ZNF605: variants seen among roughly 807,000 people sequenced by gnomAD.
ZNF605 encodes zinc finger protein 605.
ZNF605 carries 9 observed loss-of-function variants against 7.9 expected under a neutral mutation model. The ratio of observed to expected loss-of-function variants is 1.14; its 90% CI spans 0.68 to 1.98. The LOEUF is 1.98. Ranked by LOEUF, ZNF605 falls within the 30% of genes most tolerant of loss-of-function variation. ZNF605 has a pLI of 0.00. For missense variants in ZNF605, 673 were observed against 762.4 expected, an observed-to-expected ratio of 0.88 and a Z score of 1.38; for synonymous variants, 255 against 260.1, an observed-to-expected ratio of 0.98 and a Z score of 0.19.
At chr12:132,948,840 C>T (rs898712519) in intron 1 of ZNF605, among the ~76,000 whole-genome samples, 6 of 152,244 alleles carry the variant, frequency 3.9e-5, no homozygotes, top group South Asian at 4.1e-4. Flanking sequence ...GGTGACCCCA[C>T]GCTCAGGAAC....
At chr12:132,939,598 C>A (rs1473856159) in intron 3 of ZNF605, among the ~76,000 whole-genome samples, 2 of 152,164 alleles carry the variant, frequency 1.3e-5, no homozygotes, top group South Asian at 2.1e-4. Context: ...ATTGTAAACG[C>A]ACCAATCAGC....
chr12:132,954,733 C>A (rs12320945), intron 1 of ZNF605, among the ~76,000 whole-genome samples: 24,067 of 151,658 alleles, frequency 0.16, 2,155 homozygotes, highest in South Asian at 0.21. Context: ...TTCCCACAGG[C>A]CCTCCCAAAC....
At chr12:132,938,299 T>A in intron 3 of ZNF605, among the ~76,000 whole-genome samples, 1 of 151,480 alleles carries the variant, frequency 6.6e-6, no homozygotes, top group South Asian at 2.1e-4. Flanking sequence ...TATTTTTTTA[T>A]TTTTATTTTT....
chr12:132,934,700 G>A (rs374989604), intron 3 of ZNF605, among the ~76,000 whole-genome samples: 2,507 of 74,906 alleles, frequency 0.033, 21 homozygotes, highest in Non-Finnish European at 0.044. Context: ...GCAAGATTCC[G>A]TCTAAAAAAA....
chr12:132,924,319 C>T lies in ZNF605; in HGVS notation c.*1054G>A, dbSNP rs559583270. On this transcript the variant is annotated 3_prime_UTR_variant, in exon 5 of 5. Coordinates refer to ENST00000360187, the MANE Select transcript of ZNF605 (RefSeq NM_183238.4). ...ATTCTACCTGATGCTCCATGTGTTT[C>T]CACTCTGTTTCCACTCTGGCTGCTG... 2 of 152,334 alleles carry T rather than the reference C, an allele frequency of 1.3e-5. No homozygotes were observed. The highest frequency in any genetic ancestry group is 4.2e-4 in the South Asian group (2 of 4,816). The allele number at this position is 152,334 out of a possible 1,614,324, so 9.4% of individuals were successfully genotyped here.
intron 4 of ZNF605, 180 bp downstream of exon 4, chr12:132,932,855 G>T: frequency 2.1e-6 from 3 of 1,421,168 alleles, no homozygotes; most frequent in Non-Finnish European, 2.8e-6. Context: ...TGGGCTAAGA[G>T]TCTTAAATAT....
Position 132,926,671 on chromosome 12 carries a change from A to C in ZNF605, c.628T>G (p.Ser210Ala). The C allele has an allele frequency of 6.2e-7, 1 of 1,613,902 alleles. No individual in the cohort carries two copies. The highest frequency in any genetic ancestry group is 8.5e-7 in the Non-Finnish European group (1 of 1,179,944). ...SECGKAFSQK[S>A]LLTVHQRTHS... The stretch of plus-strand genomic sequence containing the variant: ...GTTCTTTGATGAACCGTGAGCAGTG[A>C]CTTCTGTGAAAAGGCTTTTCCACAC... The change falls in exon 5 of 5, where the codon TCA (serine) becomes GCA (alanine). Residue 210 changes from serine to alanine, a missense_variant. Ser to Ala is a moderately conservative substitution (Grantham distance 99, BLOSUM62 1). Coordinates refer to ENST00000360187, the MANE Select transcript of ZNF605 (RefSeq NM_183238.4).
At position 132,941,457 on chromosome 12, in the gene ZNF605, C is replaced by T. The variant is rs1042586343; in HGVS notation, c.15+4164G>A. Among the ~76,000 whole-genome samples the T allele has an allele frequency of 8.5e-5, 13 of 152,202 alleles. No homozygotes were observed. The highest frequency in any genetic ancestry group is 1.9e-4 in the Non-Finnish European group (13 of 68,038). ...TTCCACTGACTTGGGCCACACTATCCAGGCCCGACATGACCAGATCTGCTT... is the reference window on the plus strand; with the variant it reads ...TTCCACTGACTTGGGCCACACTATCTAGGCCCGACATGACCAGATCTGCTT... On this transcript the variant is annotated intron_variant, in intron 3 of 4. Coordinates refer to ENST00000360187, the MANE Select transcript of ZNF605 (RefSeq NM_183238.4). The surrounding 1 kb of genome is among the most constrained non-coding windows in gnomAD (Gnocchi z 5.1).
In ZNF605 at chr12:132,925,792, T is replaced by C. The variant is rs1593579199; in HGVS notation, c.1507A>G (p.Lys503Glu). The C allele has an allele frequency of 1.2e-6, 2 of 1,614,150 alleles. No homozygotes were observed. Among genetic ancestry groups the C allele is most frequent in the Middle Eastern group, 3.3e-4 (2 of 6,062 alleles). The change falls in exon 5 of 5, where the codon AAG becomes GAG. Residue 503 changes from lysine to glutamate, a missense_variant. By Grantham distance (56) the Lys-to-Glu change is moderately conservative (BLOSUM62 1). Coordinates refer to ENST00000360187, the MANE Select transcript of ZNF605 (RefSeq NM_183238.4). ...CTACATTCACTACATTCAAAGGGCT[T>C]TTCTCCAGTATGGGTTCTCTGATGA... is the stretch of plus-strand genomic sequence containing the variant. ...IHHQRTHTGE[K>E]PFECSECRKA...
chr12:132,948,532 G>A (rs1383699464), intron 1 of ZNF605: 8 of 152,292 alleles, frequency 5.3e-5, no homozygotes, highest in Non-Finnish European at 8.8e-5. Flanking sequence ...CAAGTGGCAC[G>A]AGGCCAGTGG....
intron 3 of ZNF605, 185 bp downstream of exon 3, chr12:132,945,436 T>A: frequency 8.8e-7 from 1 of 1,132,826 alleles, no homozygotes; most frequent in Non-Finnish European, 1.3e-6. Context: ...CACCTGTGAC[T>A]GGATCATTTT....
In ZNF605 at chr12:132,923,867, T is replaced by A. The variant is rs1170690676; in HGVS notation, c.*1506A>T. The A allele has an allele frequency of 6.6e-6, 1 of 152,174 alleles. No individual in the cohort carries two copies. The highest frequency in any genetic ancestry group is 6.5e-5 in the Admixed American group (1 of 15,278). 9.4% of individuals were successfully genotyped at this position (152,174 alleles called of 1,614,324 possible). The stretch of plus-strand genomic sequence containing the variant: ...TGGTTTTCCTATTCTCTTCCTCTTC[T>A]CTAAGTCTTTTTTTCTCTCTGTATA... On this transcript the variant is annotated 3_prime_UTR_variant, in exon 5 of 5. Transcript: ENST00000360187.
chr12:132,949,289 A>G (rs1053010312), intron 1 of ZNF605, among the ~76,000 whole-genome samples: 2 of 152,220 alleles, frequency 1.3e-5, no homozygotes, highest in Non-Finnish European at 2.9e-5. Flanking sequence ...CTGTTTGAGC[A>G]CAAAGGAGAT....
chr12:132,932,814 T>G lies in ZNF605; in HGVS notation c.136+221A>C, dbSNP rs1952321217. On this transcript the variant is annotated intron_variant, in intron 4 of 4. Coordinates refer to ENST00000360187, the MANE Select transcript of ZNF605 (RefSeq NM_183238.4). ...TTTGAGAATTTGAAAACCTGTCGAT[T>G]GGAAACACAGAGGACTTGGACCTAA... 5.9e-6 allele frequency: 9 copies of G among 1,533,186 alleles called. No homozygotes were observed. The South Asian group carries it at 9.6e-5, about 16-fold the overall frequency. The allele number at this position is 1,533,186 out of a possible 1,614,324, so 95.0% of individuals were successfully genotyped here.
At chr12:132,949,365 C>T (rs1007898016) in intron 1 of ZNF605, among the ~76,000 whole-genome samples, 8 of 152,338 alleles carry the variant, frequency 5.3e-5, no homozygotes, top group Middle Eastern at 3.4e-3. Context: ...TTCACTGTTT[C>T]GCCCTGAACG....
Position 132,925,715 on chromosome 12 carries a change from T to C in ZNF605, c.1584A>G (p.Thr528=), listed in dbSNP as rs756956675. ...CACTGCATTCATAGGGTTTCTCCCC[T>C]GTATGAATTCTCTGATGCCTAAGAA... ...PQLLRHQRIH[T]GEKPYECSEC... Residue 528 remains threonine (T), a synonymous_variant, in exon 5 of 5, where the codon ACA becomes ACG. Transcript: ENST00000360187. The C allele has an allele frequency of 3.7e-6, 6 of 1,614,066 alleles. No homozygotes were observed. The highest frequency in any genetic ancestry group is 3.3e-5 in the Admixed American group (2 of 60,012).
chr12:132,952,924 A>T (rs1952587650), intron 1 of ZNF605, among the ~76,000 whole-genome samples: 1 of 151,938 alleles, frequency 6.6e-6, no homozygotes, highest in South Asian at 2.1e-4. Context: ...CGGCCCTGCC[A>T]AGTTCCCCGG....
intron 1 of ZNF605, among the ~76,000 whole-genome samples, chr12:132,955,673 A>G (rs1442199449): frequency 6.6e-6 from 1 of 151,876 alleles, no homozygotes; most frequent in Non-Finnish European, 1.5e-5. Flanking sequence ...TTTCCAGTGA[A>G]TGGAACCCAC....
At chr12:132,928,405 G>A (rs2137126731) in intron 4 of ZNF605, among the ~76,000 whole-genome samples, 1 of 152,228 alleles carries the variant, frequency 6.6e-6, no homozygotes, top group East Asian at 1.9e-4. Context: ...GAGTTCTCCA[G>A]AGCTCAGTAT....
Sources: gnomAD v4.1 joint callset for allele counts (sites outside exome capture counted in the v4.1 genomes callset) on GRCh38, gnomAD v4.1.1 for gene constraint, Gnocchi (gnomAD v3.1) non-coding constraint, MANE v1.5 for transcripts, NCBI Gene and HGNC (gene_info 2026-07-23, HGNC 2026-07-21) for gene names.